GTF2E2: variants seen among roughly 807,000 people sequenced by gnomAD.
GTF2E2 encodes transcription initiation factor IIE subunit beta.
GTF2E2 carries 21 observed loss-of-function variants against 40.5 expected under a neutral mutation model. The ratio of observed to expected loss-of-function variants is 0.52; its 90% CI spans 0.37 to 0.75. GTF2E2 has a LOEUF of 0.75. Among genes scored for constraint, GTF2E2 ranks in the 30% least tolerant of loss-of-function variants. GTF2E2 has a pLI of 0.00. For synonymous variants in GTF2E2, 117 were observed against 121.6 expected (o/e 0.96, Z 0.25); for missense variants, 298 against 338.4 (o/e 0.88, Z 0.94).
chr8:30,585,047 G>A (rs377203009), intron 6 of GTF2E2: 2 of 152,206 alleles, frequency 1.3e-5, no homozygotes, highest in Non-Finnish European at 1.5e-5. Flanking sequence ...TTAGCCAGGC[G>A]TGGTGGCACA....
intron 3 of GTF2E2, among the ~76,000 whole-genome samples, chr8:30,633,158 A>G (rs1801490517): frequency 6.6e-6 from 1 of 152,198 alleles, no homozygotes; most frequent in South Asian, 2.1e-4. Context: ...GTCATAGGAA[A>G]AACATTTTAA....
chr8:30,614,267 TTATCAGATTTCA>T (rs1800840970), intron 4 of GTF2E2, among the ~76,000 whole-genome samples: 2 of 152,288 alleles, frequency 1.3e-5, no homozygotes, highest in South Asian at 4.1e-4. Flanking sequence ...GTAAAAAGCA[TTATCAGATTTCA>T]CCATATTAAA....
chr8:30,627,818 A>T (rs1329711404), intron 3 of GTF2E2, among the ~76,000 whole-genome samples: 1 of 152,252 alleles, frequency 6.6e-6, no homozygotes, highest in East Asian at 1.9e-4. Flanking sequence ...AAGCTGAATT[A>T]CAAAGTACTT....
chr8:30,653,642 T>A, intron 1 of GTF2E2, 40 bp from the exon 2 acceptor site: 3 of 1,474,778 alleles, frequency 2.0e-6, no homozygotes, highest in Non-Finnish European at 2.8e-6. Context: ...CAAATTCAAG[T>A]CACTCAAACC....
rs369759661 is a variant in GTF2E2, at chr8:30,623,702, A to C, written c.259-8987T>G. Among the ~76,000 whole-genome samples, 1,435 of 152,082 alleles carry C rather than the reference A, an allele frequency of 9.4e-3. 92 individuals are homozygous for C. The highest frequency in any genetic ancestry group is 0.078 in the Admixed American group (1,193 of 15,276). On this transcript the variant is annotated intron_variant, in intron 3 of 7. Coordinates refer to ENST00000355904, the MANE Select transcript of GTF2E2 (RefSeq NM_002095.6). ...GTTGTTTCCTGACTTTTTAATGATC[A>C]TCATTCTAACTGGTGTGAGATGGTA...
intron 6 of GTF2E2, among the ~76,000 whole-genome samples, chr8:30,590,988 G>A (rs1828832171): frequency 6.6e-6 from 1 of 152,084 alleles, no homozygotes; most frequent in African/African-American, 2.4e-5. Context: ...ACTGCGCCTG[G>A]CCCAAAATTA....
At chr8:30,635,716 T>C (rs1464831895) in intron 2 of GTF2E2, among the ~76,000 whole-genome samples, 1 of 152,072 alleles carries the variant, frequency 6.6e-6, no homozygotes, top group Non-Finnish European at 1.5e-5. Context: ...ATCTTAACTC[T>C]GATTAGACTC....
At position 30,626,346 on chromosome 8, in the gene GTF2E2, G is replaced by A. The variant is rs182845907; in HGVS notation, c.258+8686C>T. On this transcript the variant is annotated intron_variant, in intron 3 of 7. Coordinates refer to ENST00000355904, the MANE Select transcript of GTF2E2 (RefSeq NM_002095.6). ...CTAAAAATACAAAATTTAGCCGGGCGTGGTGGCACACGCCTGTAGTCCCAG... is the reference window on the plus strand; with the variant it reads ...CTAAAAATACAAAATTTAGCCGGGCATGGTGGCACACGCCTGTAGTCCCAG... 4.7e-4 allele frequency among the ~76,000 whole-genome samples: 72 copies of A among 152,208 alleles called. 1 individual carries two copies. The highest frequency in any genetic ancestry group is 1.5e-3 in the African/African-American group (62 of 41,544).
chr8:30,653,371 T>G lies in GTF2E2; in HGVS notation c.166+62A>C. The G allele has an allele frequency of 2.3e-6, 3 of 1,309,774 alleles. No homozygotes were observed. In the South Asian group the frequency reaches 3.8e-5, roughly 17 times the overall value. The allele number at this position is 1,309,774 out of a possible 1,614,324, so 81.1% of individuals were successfully genotyped here. On this transcript the variant is annotated intron_variant, in intron 2 of 7. Transcript: ENST00000355904. ...AACTGAAAAATGAACTAGCCATAAC[T>G]AAACGGTTTCCTCCTGAATAATCTG...
rs187234453 is a variant in GTF2E2, at chr8:30,593,101, G to A, written c.644-12705C>T. 9.8e-5 allele frequency among the ~76,000 whole-genome samples: 15 copies of A among 152,346 alleles called. No homozygotes were observed. The East Asian group carries it at 2.9e-3, about 29-fold the overall frequency. On this transcript the variant is annotated intron_variant, in intron 6 of 7. Transcript: ENST00000355904. ...CCCAGCTACTCAGGAGGCTGAGGCA[G>A]GAGAATCACTTGAACCCGGGAGGAG...
chr8:30,625,019 C>T (rs1230389209), intron 3 of GTF2E2, among the ~76,000 whole-genome samples: 3 of 151,794 alleles, frequency 2.0e-5, no homozygotes, highest in Non-Finnish European at 4.4e-5. Context: ...TGCCTGATTG[C>T]CCTGGCCAGA....
intron 2 of GTF2E2, among the ~76,000 whole-genome samples, chr8:30,640,989 T>A (rs1206007836): frequency 6.6e-6 from 1 of 152,156 alleles, no homozygotes; most frequent in Non-Finnish European, 1.5e-5. Flanking sequence ...ACAGGCCTAA[T>A]GGTATATTTC....
chr8:30,634,923 A>C (rs1801541254), intron 3 of GTF2E2, 109 bp downstream of exon 3: 1 of 621,204 alleles, frequency 1.6e-6, no homozygotes, highest in Non-Finnish European at 2.8e-6. Context: ...GAAAATGCAC[A>C]ATTTTGATAA....
At chr8:30,593,111 T>G (rs921725742) in intron 6 of GTF2E2, among the ~76,000 whole-genome samples, 1 of 152,176 alleles carries the variant, frequency 6.6e-6, no homozygotes, top group South Asian at 2.1e-4. Flanking sequence ...GGAGAATCAC[T>G]TGAACCCGGG....
chr8:30,593,174 A>G (rs1248877398), intron 6 of GTF2E2, among the ~76,000 whole-genome samples: 1 of 152,228 alleles, frequency 6.6e-6, no homozygotes, highest in Non-Finnish European at 1.5e-5. Flanking sequence ...CAGGGCAACA[A>G]GAGTGAAACC....
At chr8:30,650,311 C>G (rs1032671200) in intron 2 of GTF2E2, among the ~76,000 whole-genome samples, 9 of 152,054 alleles carry the variant, frequency 5.9e-5, no homozygotes, top group African/African-American at 1.4e-4. Context: ...GTTAATATAT[C>G]ATATTAATAG....
chr8:30,580,645 C>A (rs1828492143), intron 6 of GTF2E2, among the ~76,000 whole-genome samples: 2 of 152,162 alleles, frequency 1.3e-5, no homozygotes, highest in African/African-American at 4.8e-5. Flanking sequence ...AGGGCTGCCA[C>A]AATGAAGCCG....
At chr8:30,622,576 C>T (rs1038210682) in intron 3 of GTF2E2, among the ~76,000 whole-genome samples, 1 of 151,916 alleles carries the variant, frequency 6.6e-6, no homozygotes. Context: ...TGAGAGCAAC[C>T]GGTCTGACCA....
intron 2 of GTF2E2, among the ~76,000 whole-genome samples, chr8:30,650,527 C>CA (rs34700093): frequency 0.93 from 120,013 of 129,534 alleles, 55,594 homozygotes; most frequent in East Asian, 0.99. Context: ...CCATCTCTAC[C>CA]AAAAAAAAAA....
Sources: allele counts gnomAD v4.1 joint callset (sites outside exome capture counted in the v4.1 genomes callset), GRCh38; gene constraint gnomAD v4.1.1; transcripts MANE v1.5; gene names NCBI Gene and HGNC (gene_info 2026-07-23, HGNC 2026-07-21).